ABHD2: variants seen among roughly 807,000 people sequenced by gnomAD.
ABHD2 encodes monoacylglycerol lipase ABHD2.
In ABHD2, 20 loss-of-function variants were observed where a neutral mutation model predicts 48.1. The ratio of observed to expected loss-of-function variants is 0.42; its 90% CI spans 0.29 to 0.60. The LOEUF (loss-of-function observed/expected upper bound fraction) is 0.60. Among genes scored for constraint, ABHD2 ranks in the 20% least tolerant of loss-of-function variants. The pLI, the probability that ABHD2 is intolerant of heterozygous loss-of-function variation, is 0.24. For synonymous variants in ABHD2, 209 were observed against 214.2 expected, an observed-to-expected ratio of 0.98 and a Z score of 0.21; for missense variants, 405 against 550.9, an observed-to-expected ratio of 0.74 and a Z score of 2.65.
chr15:89,118,620 A>T (rs909892841), intron 3 of ABHD2, among the ~76,000 whole-genome samples: 3 of 152,156 alleles, frequency 2.0e-5, no homozygotes, highest in Admixed American at 2.0e-4. Flanking sequence ...CAAAGTATTT[A>T]AAACCCTGCA....
At chr15:89,073,478 G>A in the ABHD2 span, among the ~76,000 whole-genome samples, 4 of 152,262 alleles carry the variant, frequency 2.6e-5, no homozygotes, top group East Asian at 3.9e-4. Flanking sequence ...TGTATTTTTA[G>A]TAGAGACAGA....
At chr15:89,150,460 T>TA (rs1283044765) in intron 3 of ABHD2, among the ~76,000 whole-genome samples, 2 of 152,320 alleles carry the variant, frequency 1.3e-5, no homozygotes, top group African/African-American at 4.8e-5. Flanking sequence ...TTTGCAGTGA[T>TA]ATTTGCACCT....
chr15:89,194,678 T>C (rs934579607), intron 10 of ABHD2, among the ~76,000 whole-genome samples: 1 of 152,184 alleles, frequency 6.6e-6, no homozygotes, highest in Non-Finnish European at 1.5e-5. Context: ...ACCACTACCA[T>C]GGGCATCACC....
chr15:89,119,283 C>G (rs1045278241), intron 3 of ABHD2, among the ~76,000 whole-genome samples: 1 of 152,096 alleles, frequency 6.6e-6, no homozygotes, highest in African/African-American at 2.4e-5. Flanking sequence ...TTCTAAACAC[C>G]CGAGCAATCT....
chr15:89,194,892 T>C (rs150919620), intron 10 of ABHD2, among the ~76,000 whole-genome samples: 302 of 152,294 alleles, frequency 2.0e-3, no homozygotes, highest in Admixed American at 5.4e-3. Flanking sequence ...GAGATTCTGA[T>C]TTAATTCATC....
rs1415806700 is a variant in ABHD2 at position 89,174,453 on chromosome 15, A to G, written c.539-1359A>G. ...TCTAACACCCTCTCCAGGTGATTCT[A>G]TGCACACTGCAGCTTAAGAACTGCA... On this transcript the variant is annotated intron_variant, in intron 5 of 10. Transcript: ENST00000352732. This position sits in a 1 kb window ranked among gnomAD's most constrained non-coding sequence, Gnocchi z 4.1. Among the ~76,000 whole-genome samples, 1 of 152,188 alleles carries G rather than the reference A, an allele frequency of 6.6e-6. No homozygotes were observed. Among genetic ancestry groups the G allele is most frequent in the Non-Finnish European group, 1.5e-5 (1 of 68,018 alleles).
chr15:89,130,982 C>T (rs2050210133), intron 3 of ABHD2, among the ~76,000 whole-genome samples: 4 of 152,196 alleles, frequency 2.6e-5, no homozygotes, highest in Non-Finnish European at 4.4e-5. Flanking sequence ...GGGCCTCCTT[C>T]CTTCTGTCCT....
At chr15:89,153,701 T>C (rs2050628542) in intron 4 of ABHD2, among the ~76,000 whole-genome samples, 1 of 152,288 alleles carries the variant, frequency 6.6e-6, no homozygotes, top group East Asian at 1.9e-4. Context: ...TTTCTGACTA[T>C]AAAAGAAGTA....
chr15:89,121,161 TTCTACC>T, intron 3 of ABHD2, among the ~76,000 whole-genome samples: 1 of 152,356 alleles, frequency 6.6e-6, no homozygotes, highest in African/African-American at 2.4e-5. Context: ...AACCTAGGTC[TTCTACC>T]TCTAAACTGG....
At chr15:89,148,042 C>T (rs1489964987) in intron 3 of ABHD2, among the ~76,000 whole-genome samples, 1 of 149,608 alleles carries the variant, frequency 6.7e-6, no homozygotes, top group African/African-American at 2.5e-5. Context: ...TCTGTTGGAC[C>T]CGGGAGGCAG....
intron 5 of ABHD2, among the ~76,000 whole-genome samples, chr15:89,171,277 A>G (rs1008068104): frequency 3.3e-4 from 50 of 152,122 alleles, no homozygotes; most frequent in African/African-American, 1.2e-3. Flanking sequence ...TCTGGAGGTG[A>G]GGTCCTGCAA....
intron 1 of ABHD2, chr15:89,090,435 T>C (rs1029428959): frequency 6.6e-6 from 1 of 152,198 alleles, no homozygotes; most frequent in Non-Finnish European, 1.5e-5. Context: ...TTTCTTCATA[T>C]CCACCACCCA....
intron 3 of ABHD2, among the ~76,000 whole-genome samples, chr15:89,119,066 C>G (rs1030495062): frequency 6.6e-6 from 1 of 152,200 alleles, no homozygotes; most frequent in African/African-American, 2.4e-5. Context: ...GATTGCCACC[C>G]TCTCTCCTGG....
intron 5 of ABHD2, among the ~76,000 whole-genome samples, chr15:89,172,087 T>C (rs1439569523): frequency 6.6e-6 from 1 of 152,178 alleles, no homozygotes; most frequent in East Asian, 1.9e-4. Flanking sequence ...AACACTACTT[T>C]AGAGAAAACC....
the ABHD2 span, among the ~76,000 whole-genome samples, chr15:89,046,701 A>G: frequency 6.6e-6 from 1 of 152,160 alleles, no homozygotes; most frequent in Non-Finnish European, 1.5e-5. Context: ...TGTTTGTAGT[A>G]TTCTCTGATG....
At chr15:89,136,371 G>C (rs1009198841) in intron 3 of ABHD2, 6 of 518,738 alleles carry the variant, frequency 1.2e-5, no homozygotes, top group African/African-American at 1.9e-5. Context: ...GCACTTCTTA[G>C]AAAACTCTGA....
At chr15:89,181,228 C>CAAAAAAAAA (rs61411388) in intron 6 of ABHD2, among the ~76,000 whole-genome samples, 8 of 69,156 alleles carry the variant, frequency 1.2e-4, no homozygotes, top group Non-Finnish European at 1.8e-4. Flanking sequence ...GACTCTGTCT[C>CAAAAAAAAA]AAAAAAAAAA....
the ABHD2 span, among the ~76,000 whole-genome samples, chr15:89,081,250 G>A: frequency 6.7e-6 from 1 of 149,720 alleles, no homozygotes; most frequent in Non-Finnish European, 1.5e-5. Flanking sequence ...GAACTCTTGG[G>A]CTCAAGCAAT....
the ABHD2 span, among the ~76,000 whole-genome samples, chr15:89,076,184 C>T: frequency 2.6e-5 from 4 of 152,182 alleles, no homozygotes; most frequent in Non-Finnish European, 5.9e-5. Flanking sequence ...CGTTAGTTTT[C>T]TTCTTCTCTT....
Sources: gnomAD v4.1 joint callset for allele counts (sites outside exome capture counted in the v4.1 genomes callset) on GRCh38, gnomAD v4.1.1 for gene constraint, Gnocchi (gnomAD v3.1) non-coding constraint, MANE v1.5 for transcripts, NCBI Gene and HGNC (gene_info 2026-07-23, HGNC 2026-07-21) for gene names.